The following SLCO1C1 variants were observed in gnomAD, a reference collection of about 807,000 sequenced individuals.
SLCO1C1 encodes OAT-RP-5.
A neutral mutation model predicts 76.4 loss-of-function variants in SLCO1C1; 70 were observed. The observed-to-expected ratio is 0.92, with a 90% CI of 0.76 to 1.12. The LOEUF is 1.12. Ranked by LOEUF, SLCO1C1 falls within the 50% of genes most tolerant of loss-of-function variation. The probability of loss-of-function intolerance (pLI) is 0.00; values close to 1 mark genes in which losing one functional copy is unlikely to be tolerated. For synonymous variants in SLCO1C1, 306 were observed against 286.1 expected, an observed-to-expected ratio of 1.07 and a Z score of -0.70; for missense variants, 912 against 823.8, an observed-to-expected ratio of 1.11 and a Z score of -1.31.
In SLCO1C1 at chr12:20,733,062, G is replaced by A. The variant is rs1294581920; in HGVS notation, c.1340G>A (p.Cys447Tyr). ...LLFLSLFALG[C>Y]ENSDVAGLTV... The stretch of plus-strand genomic sequence containing the variant: ...TTTCTTTCCCTGTTTGCACTGGGCT[G>A]TGAAAATTCTGATGTGGCAGGACTA... Residue 447 changes from cysteine (C) to tyrosine (Y), a missense_variant, in exon 10 of 15, where the codon TGT becomes TAT. By Grantham distance (194) the Cys-to-Tyr change is radical. Transcript: ENST00000266509. 1.9e-6 allele frequency: 3 copies of A among 1,606,866 alleles called. No individual in the cohort carries two copies. The highest frequency in any genetic ancestry group is 1.7e-5 in the Admixed American group (1 of 58,844).
chr12:20,717,648 CTTTTTTTTTTTTTTTTTTTTTTTT>C (rs534946900), intron 7 of SLCO1C1, among the ~76,000 whole-genome samples: 19 of 42,270 alleles, frequency 4.5e-4, no homozygotes, highest in South Asian at 2.5e-3. Flanking sequence ...AACAGCCCTT[CTTTTTTTTTTTTTTTTTTTTTTTT>C]TTTTTTTTTT....
chr12:20,699,705 G>T lies in SLCO1C1; in HGVS notation c.129G>T (p.Lys43Asn). 1 of 1,606,858 alleles carries T rather than the reference G, an allele frequency of 6.2e-7. No homozygotes were observed. The highest frequency in any genetic ancestry group is 8.5e-7 in the Non-Finnish European group (1 of 1,177,216). The part of the protein sequence containing the change: ...EEKQPCCGEL[K>N]VFLCALSFVY... ...AGCAACCATGCTGTGGTGAACTAAA[G>T]GTAGAGCAACCAAGAAGTAAATAGT... The change falls in exon 2 of 15, where the codon AAG becomes AAT. Residue 43 changes from lysine (K) to asparagine (N), a missense_variant and splice_region_variant. Coordinates refer to ENST00000266509, the MANE Select transcript of SLCO1C1 (RefSeq NM_017435.5).
intron 13 of SLCO1C1, among the ~76,000 whole-genome samples, chr12:20,744,898 T>G (rs1481813425): frequency 6.6e-6 from 1 of 152,146 alleles, no homozygotes; most frequent in Non-Finnish European, 1.5e-5. Flanking sequence ...GGAGACTGGT[T>G]GAATAAACTG....
chr12:20,750,873 C>G (rs1949270147), intron 14 of SLCO1C1, 81 bp downstream of exon 14: 1 of 1,613,704 alleles, frequency 6.2e-7, no homozygotes, highest in Non-Finnish European at 8.5e-7. Context: ...AACAAGTTTT[C>G]ATGTCATTTC....
intron 7 of SLCO1C1, among the ~76,000 whole-genome samples, chr12:20,721,253 G>C (rs537718023): frequency 6.6e-6 from 1 of 152,260 alleles, no homozygotes; most frequent in South Asian, 2.1e-4. Flanking sequence ...GCATACTACA[G>C]AGAAAACTTT....
rs1947687693 is a variant in SLCO1C1 at position 20,721,816 on chromosome 12, T to C, written c.788T>C (p.Ile263Thr). 1 of 1,614,036 alleles carries C rather than the reference T, an allele frequency of 6.2e-7. No individual in the cohort carries two copies. Among genetic ancestry groups the C allele is most frequent in the African/African-American group, 1.3e-5 (1 of 74,934 alleles). The change falls in exon 8 of 15, where the codon ATT becomes ACT. Residue 263 changes from isoleucine (I) to threonine (T), a missense_variant. Coordinates refer to ENST00000266509, the MANE Select transcript of SLCO1C1 (RefSeq NM_017435.5). ...IGFVNLDHIT[I>T]TPKDPQWVGA... ...CTCTGTCTTTCAGATCACATAACCA[T>C]TACCCCAAAAGATCCCCAGTGGGTA...
chr12:20,745,985 G>A (rs903964309), intron 13 of SLCO1C1, among the ~76,000 whole-genome samples: 1 of 152,004 alleles, frequency 6.6e-6, no homozygotes, highest in African/African-American at 2.4e-5. Flanking sequence ...TGAACACCAC[G>A]ACACTTAATC....
At chr12:20,739,062 G>T (rs1039131430) in intron 11 of SLCO1C1, among the ~76,000 whole-genome samples, 3 of 152,098 alleles carry the variant, frequency 2.0e-5, no homozygotes, top group Non-Finnish European at 4.4e-5. Flanking sequence ...CTATTGAGGG[G>T]TTATACAAAT....
chr12:20,748,511 A>G (rs1949149922), intron 13 of SLCO1C1, among the ~76,000 whole-genome samples: 2 of 152,274 alleles, frequency 1.3e-5, no homozygotes, highest in African/African-American at 4.8e-5. Context: ...CACTTCAGAA[A>G]TTCAACATTG....
chr12:20,749,815 A>T (rs879145520), intron 13 of SLCO1C1, among the ~76,000 whole-genome samples: 1 of 152,236 alleles, frequency 6.6e-6, no homozygotes, highest in African/African-American at 2.4e-5. Flanking sequence ...GTTTGATGAG[A>T]TGTAAAACAA....
chr12:20,742,440 C>G (rs1948861097), intron 12 of SLCO1C1, among the ~76,000 whole-genome samples: 1 of 151,636 alleles, frequency 6.6e-6, no homozygotes, highest in Non-Finnish European at 1.5e-5. Flanking sequence ...ATTATGATTA[C>G]TATTAAATTT....
intron 9 of SLCO1C1, among the ~76,000 whole-genome samples, chr12:20,724,834 C>A (rs933254111): frequency 9.7e-5 from 14 of 144,620 alleles, no homozygotes; most frequent in African/African-American, 3.5e-4. Context: ...ATTTATAATA[C>A]TATAATAGAT....
chr12:20,733,339 A>C (rs1289819648), intron 10 of SLCO1C1, among the ~76,000 whole-genome samples: 1 of 152,132 alleles, frequency 6.6e-6, no homozygotes, highest in African/African-American at 2.4e-5. Flanking sequence ...TACACTAGAG[A>C]ACCAACCTGA....
chr12:20,731,169 A>ATC (rs1455702846), intron 9 of SLCO1C1, among the ~76,000 whole-genome samples: 1 of 152,182 alleles, frequency 6.6e-6, no homozygotes, highest in Non-Finnish European at 1.5e-5. Flanking sequence ...TGAAAAGAGA[A>ATC]TCTGGCTGCC....
intron 3 of SLCO1C1, among the ~76,000 whole-genome samples, chr12:20,705,547 C>T (rs1946731724): frequency 6.6e-6 from 1 of 151,656 alleles, no homozygotes; most frequent in Admixed American, 6.6e-5. Flanking sequence ...AGTCCATGAG[C>T]AATTAGAACA....
intron 9 of SLCO1C1, 104 bp downstream of exon 9, chr12:20,723,358 T>C: frequency 7.1e-7 from 1 of 1,405,108 alleles, no homozygotes; most frequent in Non-Finnish European, 9.7e-7. Context: ...AGGTAATTTA[T>C]GACATTTTAG....
intron 12 of SLCO1C1, among the ~76,000 whole-genome samples, chr12:20,742,795 AAGGTGCTGGGATTAC>A (rs1948882221): frequency 6.6e-6 from 1 of 151,572 alleles, no homozygotes; most frequent in African/African-American, 2.4e-5. Flanking sequence ...TCGGCCTCCC[AAGGTGCTGGGATTAC>A]AGGCGTGAGC....
chr12:20,695,484 G>T lies in SLCO1C1; in HGVS notation c.-349G>T, dbSNP rs1442143631. 1 of 152,140 alleles carries T rather than the reference G, an allele frequency of 6.6e-6. No individual in the cohort carries two copies. Among genetic ancestry groups the T allele is most frequent in the African/African-American group, 2.4e-5 (1 of 41,444 alleles). The allele number at this position is 152,140 out of a possible 1,614,324, so 9.4% of individuals were successfully genotyped here. On this transcript the variant is annotated 5_prime_UTR_variant, in exon 1 of 15. Coordinates refer to ENST00000266509, the MANE Select transcript of SLCO1C1 (RefSeq NM_017435.5). ...CAAATTGCAAAGAAATGGCTCAAAA[G>T]CTTCAGCTCTTTCTGTGCCCTGGGA...
At chr12:20,732,858 T>C in intron 9 of SLCO1C1, 51 bp from the exon 10 acceptor site, 1 of 1,593,960 alleles carries the variant, frequency 6.3e-7, no homozygotes, top group South Asian at 1.1e-5. Context: ...GTTAGTACAC[T>C]CAAATCTTTT....
Sources: gnomAD v4.1 joint callset for allele counts (sites outside exome capture counted in the v4.1 genomes callset) on GRCh38, gnomAD v4.1.1 for gene constraint, MANE v1.5 for transcripts, NCBI Gene and HGNC (gene_info 2026-07-23, HGNC 2026-07-21) for gene names.